Variants in TCP11L2 observed in about 807,000 individuals in gnomAD.
TCP11L2 encodes T-complex protein 11-like protein 2.
Under a neutral mutation model 50.7 loss-of-function variants are expected in TCP11L2, and 39 were observed. That is an observed-to-expected ratio of 0.77 (90% CI 0.60 to 1.01). The LOEUF (loss-of-function observed/expected upper bound fraction) is 1.01. Ranked by LOEUF, TCP11L2 falls within the 50% of genes least tolerant of loss-of-function variation. The pLI is 0.00. For synonymous variants in TCP11L2, 192 were observed against 219.3 expected (o/e 0.88, Z 1.10); for missense variants, 612 against 614.7 (o/e 1.00, Z 0.05).
At chr12:106,342,544 C>G (rs989252281) in intron 9 of TCP11L2, among the ~76,000 whole-genome samples, 2 of 152,210 alleles carry the variant, frequency 1.3e-5, no homozygotes, top group Non-Finnish European at 2.9e-5. Flanking sequence ...GCCCAGCAGT[C>G]TCTGCAGCAT....
At chr12:106,341,883 G>A (rs1444140664) in intron 9 of TCP11L2, among the ~76,000 whole-genome samples, 1 of 152,184 alleles carries the variant, frequency 6.6e-6, no homozygotes, top group African/African-American at 2.4e-5. Flanking sequence ...TCCCATTCTT[G>A]AATTGGTCAT....
At chr12:106,331,592 T>C (rs1414293197) in intron 6 of TCP11L2, among the ~76,000 whole-genome samples, 3 of 152,214 alleles carry the variant, frequency 2.0e-5, no homozygotes, top group Non-Finnish European at 2.9e-5. Flanking sequence ...TCTAAGTGTT[T>C]TGCATGTACT....
At chr12:106,305,031 G>A (rs951500509) in intron 1 of TCP11L2, among the ~76,000 whole-genome samples, 2 of 152,124 alleles carry the variant, frequency 1.3e-5, no homozygotes, top group Admixed American at 6.5e-5. Flanking sequence ...TGGCAGAGTG[G>A]GAGTGGAAAG....
chr12:106,302,407 A>AGCCCCCG (rs1491270170), upstream of TCP11L2, among the ~76,000 whole-genome samples: 1,705 of 46,058 alleles, frequency 0.037, 322 homozygotes, highest in Admixed American at 0.045. Flanking sequence ...GCCCCCGCTC[A>AGCCCCCG]GCCCCCGCTC....
chr12:106,322,617 C>G (rs1442825512), intron 5 of TCP11L2, among the ~76,000 whole-genome samples: 1 of 152,172 alleles, frequency 6.6e-6, no homozygotes, highest in Non-Finnish European at 1.5e-5. Flanking sequence ...GTCTGCAACA[C>G]TTTTTGCCAT....
intron 6 of TCP11L2, chr12:106,329,457 C>T: frequency 2.6e-6 from 4 of 1,531,478 alleles, no homozygotes; most frequent in Non-Finnish European, 3.5e-6. Flanking sequence ...ACGTTTCACT[C>T]TAAACGCATG....
intron 6 of TCP11L2, among the ~76,000 whole-genome samples, chr12:106,330,507 G>C (rs1324036086): frequency 2.0e-5 from 3 of 152,048 alleles, no homozygotes; most frequent in African/African-American, 7.3e-5. Flanking sequence ...ATAGTGAACA[G>C]GGCAGCCCTC....
intron 1 of TCP11L2, among the ~76,000 whole-genome samples, chr12:106,306,831 TAATC>T (rs2034649200): frequency 6.6e-6 from 1 of 152,208 alleles, no homozygotes; most frequent in Admixed American, 6.5e-5. Context: ...AGTCAGTAAA[TAATC>T]AAGAGGAGCC....
chr12:106,313,485 C>A (rs1370911742), intron 2 of TCP11L2, among the ~76,000 whole-genome samples: 2 of 151,816 alleles, frequency 1.3e-5, no homozygotes, highest in Admixed American at 1.3e-4. Context: ...GAGGCTGAGG[C>A]AGGAGAATCT....
chr12:106,328,183 G>A (rs1043357755), intron 6 of TCP11L2, among the ~76,000 whole-genome samples: 2 of 152,196 alleles, frequency 1.3e-5, no homozygotes, highest in Non-Finnish European at 2.9e-5. Flanking sequence ...AAATATTTAT[G>A]GAATATTTTA....
rs201566810 is a variant in TCP11L2, at chr12:106,318,479, T to C, written c.414+15T>C. 4 of 1,612,862 alleles carry C rather than the reference T, an allele frequency of 2.5e-6. No individual in the cohort carries two copies. The highest frequency in any genetic ancestry group is 3.4e-6 in the Non-Finnish European group (4 of 1,179,140). ...AAATCAGAGAGGCAAGTTGCTTTGTTGTCTGTGTCAGTTAGCGTCTTACTC... is the reference window on the plus strand; with the variant it reads ...AAATCAGAGAGGCAAGTTGCTTTGTCGTCTGTGTCAGTTAGCGTCTTACTC... On this transcript the variant is annotated intron_variant, in intron 4 of 9. Transcript: ENST00000299045.
At chr12:106,337,481 G>C (rs2035956952) in intron 8 of TCP11L2, among the ~76,000 whole-genome samples, 1 of 152,078 alleles carries the variant, frequency 6.6e-6, no homozygotes, top group Non-Finnish European at 1.5e-5. Context: ...TTTTGCAGTT[G>C]GTCTTATCTT....
chr12:106,334,634 G>C (rs1042863371), intron 6 of TCP11L2, among the ~76,000 whole-genome samples: 1 of 152,122 alleles, frequency 6.6e-6, no homozygotes, highest in Admixed American at 6.6e-5. Flanking sequence ...TGATCATACA[G>C]GTTCCATGTT....
At chr12:106,315,188 A>G (rs1467648195) in intron 3 of TCP11L2, among the ~76,000 whole-genome samples, 1 of 152,084 alleles carries the variant, frequency 6.6e-6, no homozygotes, top group Non-Finnish European at 1.5e-5. Context: ...GTGAGCCGAG[A>G]TCGCACCACT....
In TCP11L2 at chr12:106,335,743, C is replaced by A. The variant is rs770236948; in HGVS notation, c.877C>A (p.Pro293Thr). ...TCCTGGGGCCGAAAATACCTCCAAGCCAAGCCTGAGCCCTACTTTGGTGCT... is the reference window on the plus strand; with the variant it reads ...TCCTGGGGCCGAAAATACCTCCAAGACAAGCCTGAGCCCTACTTTGGTGCT... ...LTPGAENTSKPSLSPTLVLNN... is the reference protein window; with the variant it reads ...LTPGAENTSKTSLSPTLVLNN... Residue 293 changes from proline to threonine, a missense_variant, in exon 7 of 10, where the codon CCA becomes ACA. Transcript: ENST00000299045. 1 of 1,614,194 alleles carries A rather than the reference C, an allele frequency of 6.2e-7. No homozygotes were observed. Among genetic ancestry groups the A allele is most frequent in the Non-Finnish European group, 8.5e-7 (1 of 1,180,016 alleles).
chr12:106,316,243 A>G (rs369101572), intron 3 of TCP11L2, among the ~76,000 whole-genome samples: 3 of 98,722 alleles, frequency 3.0e-5, no homozygotes, highest in Middle Eastern at 6.2e-3. Context: ...CCAACAGTTC[A>G]TCTTCCATAT....
At chr12:106,327,321 G>C (rs1183592572) in intron 6 of TCP11L2, among the ~76,000 whole-genome samples, 1 of 152,078 alleles carries the variant, frequency 6.6e-6, no homozygotes, top group East Asian at 1.9e-4. Flanking sequence ...AGCTTCCCAA[G>C]TAGCTAGGAC....
At chr12:106,345,980 A>G (rs1238279632) in intron 9 of TCP11L2, among the ~76,000 whole-genome samples, 1 of 152,164 alleles carries the variant, frequency 6.6e-6, no homozygotes, top group Non-Finnish European at 1.5e-5. Flanking sequence ...TAGTAGGTAG[A>G]CGGTGGACAT....
intron 2 of TCP11L2, among the ~76,000 whole-genome samples, chr12:106,313,860 G>A (rs1034182552): frequency 4.0e-5 from 6 of 150,490 alleles, no homozygotes; most frequent in Non-Finnish European, 8.9e-5. Flanking sequence ...CCTCCTCCTG[G>A]GTTCACGCCA....
Sources: gnomAD v4.1 joint callset for allele counts (sites outside exome capture counted in the v4.1 genomes callset) on GRCh38, gnomAD v4.1.1 for gene constraint, MANE v1.5 for transcripts, NCBI Gene and HGNC (gene_info 2026-07-23, HGNC 2026-07-21) for gene names.